LSP1: variants seen among roughly 807,000 people sequenced by gnomAD.
LSP1 encodes the protein lymphocyte specific protein 1.
A neutral mutation model predicts 49.3 loss-of-function variants in LSP1; 32 were observed. The observed-to-expected ratio is 0.65, with a 90% CI of 0.49 to 0.87. LSP1 has a LOEUF of 0.87. LSP1 is among the 40% of genes least tolerant of loss of function. LSP1 has a pLI of 0.00. For synonymous variants in LSP1, 179 were observed against 178.8 expected (o/e 1.00, Z -0.01); for missense variants, 428 against 442.6 (o/e 0.97, Z 0.30).
chr11:1,854,418 G>C (rs1847437708), intron 1 of LSP1, among the ~76,000 whole-genome samples: 1 of 152,194 alleles, frequency 6.6e-6, no homozygotes, highest in African/African-American at 2.4e-5. Context: ...CCACCTCCCG[G>C]CCTTCACACA....
At chr11:1,854,217 T>C (rs559821615) in intron 1 of LSP1, among the ~76,000 whole-genome samples, 1 of 152,094 alleles carries the variant, frequency 6.6e-6, no homozygotes, top group African/African-American at 2.4e-5. Flanking sequence ...TGGCCTGGTG[T>C]GCGGAAGGGA....
intron 4 of LSP1, 102 bp downstream of exon 4, chr11:1,883,662 A>G: frequency 1.4e-6 from 2 of 1,434,824 alleles, no homozygotes; most frequent in Non-Finnish European, 1.9e-6. Context: ...TCTAGCCCAG[A>G]GTGGGTCAGC....
chr11:1,869,657 G>T (rs1239832276), intron 1 of LSP1: 7 of 456,858 alleles, frequency 1.5e-5, no homozygotes, highest in Admixed American at 1.4e-4. Flanking sequence ...GCTTCTTGGT[G>T]CTCCAAAGAC....
chr11:1,869,282 C>G, intron 1 of LSP1: 1 of 252,560 alleles, frequency 4.0e-6, no homozygotes, highest in South Asian at 4.3e-5. Flanking sequence ...GGGGGGCAAC[C>G]CTGTGCCTGG....
intron 10 of LSP1, chr11:1,889,314 TC>T: frequency 5.7e-6 from 4 of 706,732 alleles, no homozygotes; most frequent in East Asian, 2.7e-5. Context: ...TGGGGTGTGC[TC>T]CCCACCGCTG....
chr11:1,877,549 G>A (rs945302682), intron 1 of LSP1, among the ~76,000 whole-genome samples: 1 of 152,174 alleles, frequency 6.6e-6, no homozygotes, highest in East Asian at 1.9e-4. Flanking sequence ...TGCCAGGGCC[G>A]GCACCGCCGT....
chr11:1,890,589 G>A (rs763779929), intron 10 of LSP1: 5 of 703,192 alleles, frequency 7.1e-6, no homozygotes, highest in African/African-American at 1.7e-5. Context: ...GAGCATGACT[G>A]TGTCCTAGGG....
In LSP1 at chr11:1,884,445, G is replaced by A. The variant is rs368455694; in HGVS notation, c.636-55G>A. On this transcript the variant is annotated intron_variant, in intron 6 of 10. Transcript: ENST00000311604. This position sits in a 1 kb window ranked among gnomAD's most constrained non-coding sequence, Gnocchi z 4.1. ...GGGGGCTCTGGGAGAGGCTTGGGCA[G>A]GTTGGGAGAAGCCTTGTGGGAGACA... 2,925 of 1,602,574 alleles carry A rather than the reference G, an allele frequency of 1.8e-3. 1 individual carries two copies. The highest frequency in any genetic ancestry group is 2.3e-3 in the Non-Finnish European group (2,660 of 1,169,608).
At position 1,880,266 on chromosome 11, in the gene LSP1, C is replaced by T. The variant is rs199983134; in HGVS notation, c.191+42C>T. The T allele has an allele frequency of 3.3e-6, 5 of 1,524,676 alleles. No homozygotes were observed. In the African/African-American group the frequency reaches 4.2e-5, roughly 13 times the overall value. The allele number at this position is 1,524,676 out of a possible 1,614,324, so 94.4% of individuals were successfully genotyped here. On this transcript the variant is annotated intron_variant, in intron 2 of 10. Coordinates refer to ENST00000311604, the MANE Select transcript of LSP1 (RefSeq NM_002339.3). ...CGCGTGCCTGGGCTCTAGCCCCTAT[C>T]CGTGTACCCTGGGGCCTGGGCAGAG... is the stretch of plus-strand genomic sequence containing the variant.
chr11:1,884,475 G>A lies in LSP1; in HGVS notation c.636-25G>A, dbSNP rs745391299. 3.1e-6 allele frequency: 5 copies of A among 1,608,878 alleles called. No individual in the cohort carries two copies. The South Asian group carries it at 4.4e-5, about 14-fold the overall frequency. The stretch of plus-strand genomic sequence containing the variant: ...GGAGAAGCCTTGTGGGAGACATGGG[G>A]CCTGACACATCTTCTACCCTCCAGT... On this transcript the variant is annotated intron_variant, in intron 6 of 10. Transcript: ENST00000311604. This position sits in a 1 kb window ranked among gnomAD's most constrained non-coding sequence, Gnocchi z 4.1.
chr11:1,888,928 G>A (rs920946024), intron 10 of LSP1: 2 of 479,942 alleles, frequency 4.2e-6, no homozygotes, highest in African/African-American at 2.0e-5. Context: ...CAGCCCAGGG[G>A]CTCCAGCTCG....
rs986893126 is a variant in LSP1 at position 1,860,579 on chromosome 11, G to T, written c.53+7382G>T. Among the ~76,000 whole-genome samples, 15 of 152,202 alleles carry T rather than the reference G, an allele frequency of 9.9e-5. 1 individual carries two copies. Among genetic ancestry groups the T allele is most frequent in the African/African-American group, 3.6e-4 (15 of 41,446 alleles). ...GGATGAAAGAACGAATGGATGGGTGGATAGATAAATGCAGATGTGATATTT... is the reference window on the plus strand; with the variant it reads ...GGATGAAAGAACGAATGGATGGGTGTATAGATAAATGCAGATGTGATATTT... On this transcript the variant is annotated intron_variant, in intron 1 of 10. Transcript: ENST00000311604.
At chr11:1,882,420 C>T (rs746378988) in intron 3 of LSP1, among the ~76,000 whole-genome samples, 1 of 152,180 alleles carries the variant, frequency 6.6e-6, no homozygotes, top group Non-Finnish European at 1.5e-5. Context: ...TGCTGAGCGA[C>T]GCTCCCTTGT....
chr11:1,875,932 C>T (rs1393929538), intron 1 of LSP1, among the ~76,000 whole-genome samples: 1 of 152,220 alleles, frequency 6.6e-6, no homozygotes, highest in Non-Finnish European at 1.5e-5. Context: ...GCCACACCCT[C>T]GAGCCCCTCC....
At position 1,881,555 on chromosome 11, in the gene LSP1, G is replaced by A; in HGVS notation, c.315G>A (p.Glu105=). The change falls in exon 3 of 11, where the codon GAG becomes GAA. Residue 105 remains glutamate, a synonymous_variant. Coordinates refer to ENST00000311604, the MANE Select transcript of LSP1 (RefSeq NM_002339.3). ...CGCAGGGCGCCTTGGACAGCGGAGA[G>A]CCCCCCCAGTGCAGGAGTCCTGAGG... ...EGAQGALDSG[E]PPQCRSPEGE... 5.2e-6 allele frequency: 8 copies of A among 1,540,918 alleles called. No individual in the cohort carries two copies. The highest frequency in any genetic ancestry group is 7.0e-6 in the Non-Finnish European group (8 of 1,142,016).
chr11:1,888,791 A>G, intron 10 of LSP1: 1 of 229,816 alleles, frequency 4.4e-6, no homozygotes, highest in Non-Finnish European at 8.4e-6. Flanking sequence ...TGAGAGGCCC[A>G]GGCCCCTGAG....
At chr11:1,860,460 T>G (rs533079061) in intron 1 of LSP1, among the ~76,000 whole-genome samples, 4 of 152,232 alleles carry the variant, frequency 2.6e-5, no homozygotes, top group African/African-American at 9.6e-5. Flanking sequence ...TAGAAAGAAT[T>G]ATTTAGTAAT....
intron 3 of LSP1, among the ~76,000 whole-genome samples, chr11:1,882,786 C>T (rs571673814): frequency 2.0e-5 from 3 of 152,332 alleles, no homozygotes; most frequent in South Asian, 2.1e-4. Context: ...TTGGCTGGCA[C>T]GCACACCCAG....
intron 1 of LSP1, among the ~76,000 whole-genome samples, chr11:1,858,661 G>T (rs902083204): frequency 6.6e-6 from 1 of 152,164 alleles, no homozygotes; most frequent in African/African-American, 2.4e-5. Flanking sequence ...GGAGAGGCTC[G>T]GCCAGGGGGC....
Sources: gnomAD v4.1 joint callset for allele counts (sites outside exome capture counted in the v4.1 genomes callset) on GRCh38, gnomAD v4.1.1 for gene constraint, Gnocchi (gnomAD v3.1) non-coding constraint, MANE v1.5 for transcripts, NCBI Gene and HGNC (gene_info 2026-07-23, HGNC 2026-07-21) for gene names.